NDRG2: variants seen among roughly 807,000 people sequenced by gnomAD.
NDRG2 encodes protein NDRG2.
Under a neutral mutation model 58.2 loss-of-function variants are expected in NDRG2, and 34 were observed. The ratio of observed to expected loss-of-function variants is 0.58; its 90% CI spans 0.44 to 0.78. NDRG2 has a LOEUF of 0.78. NDRG2 is among the 30% of genes least tolerant of loss of function. NDRG2 has a pLI of 0.00. For synonymous variants in NDRG2, 187 were observed against 175.9 expected, an observed-to-expected ratio of 1.06 and a Z score of -0.50; for missense variants, 434 against 471.2, an observed-to-expected ratio of 0.92 and a Z score of 0.73.
chr14:21,066,669 G>A (rs920772605), intron 1 of NDRG2, among the ~76,000 whole-genome samples: 1 of 152,164 alleles, frequency 6.6e-6, no homozygotes, highest in Non-Finnish European at 1.5e-5. Flanking sequence ...CTCTGGCTAT[G>A]GTGCAGAGAA....
chr14:21,024,645 C>T lies in NDRG2; in HGVS notation c.-622G>A. On this transcript the variant is annotated 5_prime_UTR_variant, in exon 1 of 16. Coordinates refer to ENST00000556147, the MANE Select transcript of NDRG2 (RefSeq NM_001320329.2). Reference sequence around the variant, plus strand: ...GTGGAGAAAGGGAGAGGAGAGCGGTCCCACAATCTTCTCCCGTTCTCCCCC... The same window carrying T: ...GTGGAGAAAGGGAGAGGAGAGCGGTTCCACAATCTTCTCCCGTTCTCCCCC... The T allele has an allele frequency of 1.0e-6, 1 of 985,468 alleles. No homozygotes were observed. The highest frequency in any genetic ancestry group is 1.1e-4 in the East Asian group (1 of 8,792). The allele number at this position is 985,468 out of a possible 1,614,324, so 61.0% of individuals were successfully genotyped here.
At chr14:21,069,054 C>T (rs2139180414) in intron 1 of NDRG2, among the ~76,000 whole-genome samples, 1 of 152,372 alleles carries the variant, frequency 6.6e-6, no homozygotes, top group African/African-American at 2.4e-5. Context: ...GTTCACGCCC[C>T]TCCGGGGACT....
At chr14:21,032,190 G>A in intron 1 of NDRG2, 9 of 1,088,200 alleles carry the variant, frequency 8.3e-6, no homozygotes, top group Non-Finnish European at 1.2e-5. Flanking sequence ...TGTCTGTGAG[G>A]GACAGATGAG....
At chr14:21,030,504 AC>A, upstream of NDRG2, 1 of 1,438,376 alleles carries the variant, frequency 7.0e-7, no homozygotes, top group Non-Finnish European at 9.5e-7. Context: ...CATCCTCATT[AC>A]TCCACAGTCC....
rs951272634 is a variant in NDRG2, at chr14:21,020,380, C to G, written c.555+116G>C. On this transcript the variant is annotated intron_variant, in intron 8 of 15. Coordinates refer to ENST00000556147, the MANE Select transcript of NDRG2 (RefSeq NM_001320329.2). ...AAGTGACAGCTTCACTTTCCTGCCC[C>G]TTTACTCCCTCCTTGAAGTTCAGAG... The G allele has an allele frequency of 1.3e-5, 10 of 780,046 alleles. No individual in the cohort carries two copies. In the African/African-American group the frequency reaches 1.7e-4, roughly 14 times the overall value. 48.3% of individuals were successfully genotyped at this position (780,046 alleles called of 1,614,324 possible).
intron 1 of NDRG2, among the ~76,000 whole-genome samples, chr14:21,050,817 G>A (rs1264653111): frequency 6.6e-6 from 1 of 152,166 alleles, no homozygotes; most frequent in East Asian, 1.9e-4. Context: ...GAAGTATTAA[G>A]GGGTAATGAG....
rs1466516055 is a variant in NDRG2, at chr14:21,019,700, T to C, written c.655A>G (p.Asn219Asp). The change falls in exon 10 of 16, where the codon AAT (asparagine) becomes GAT (aspartate). Residue 219 changes from asparagine to aspartate, a missense_variant. Transcript: ENST00000556147. ...GNSELIQKYR[N>D]IITHAPNLDN... Reference sequence around the variant, plus strand: ...AGGTTGGGTGCATGTGTAATGATATTTCTGTACTTTTGTATCAACTCAGAA... The same window carrying C: ...AGGTTGGGTGCATGTGTAATGATATCTCTGTACTTTTGTATCAACTCAGAA... 6.2e-7 allele frequency: 1 copy of C among 1,613,968 alleles called. No individual in the cohort carries two copies. Among genetic ancestry groups the C allele is most frequent in the Non-Finnish European group, 8.5e-7 (1 of 1,179,808 alleles).
intron 1 of NDRG2, among the ~76,000 whole-genome samples, chr14:21,064,498 C>T (rs910983385): frequency 2.0e-5 from 3 of 152,086 alleles, no homozygotes; most frequent in African/African-American, 4.8e-5. Flanking sequence ...GACTGGGTTT[C>T]GCCATGTTGG....
chr14:21,041,210 G>C (rs1884881284), intron 1 of NDRG2, among the ~76,000 whole-genome samples: 1 of 152,118 alleles, frequency 6.6e-6, no homozygotes. Context: ...GCCCAGGCTG[G>C]TCTTGAATTC....
rs555933207 is a variant in NDRG2, at chr14:21,052,792, A to T, written c.24+18036T>A. 9.3e-4 allele frequency among the ~76,000 whole-genome samples: 142 copies of T among 152,328 alleles called. No homozygotes were observed. In the South Asian group the frequency reaches 0.01, roughly 11 times the overall value. On this transcript the variant is annotated intron_variant, in intron 1 of 14. Coordinates refer to the NDRG2 transcript ENST00000403829. The stretch of plus-strand genomic sequence containing the variant: ...AATATTTTAACAAGATCCATCCAAC[A>T]TTATTATACATGCTCAATTAAACTC...
chr14:21,030,488 A>C, upstream of NDRG2: 2 of 1,315,258 alleles, frequency 1.5e-6, no homozygotes, highest in Non-Finnish European at 2.1e-6. Context: ...ATTTTACCAT[A>C]ACACTCATCC....
At chr14:21,057,940 G>C (rs752464100) in intron 1 of NDRG2, 1 of 1,614,012 alleles carries the variant, frequency 6.2e-7, no homozygotes, top group Admixed American at 1.7e-5. Context: ...TGCTGCTTCT[G>C]GGGCTGTGGG....
At chr14:21,064,207 C>T (rs1886128099) in intron 1 of NDRG2, among the ~76,000 whole-genome samples, 1 of 152,206 alleles carries the variant, frequency 6.6e-6, no homozygotes, top group Admixed American at 6.5e-5. Context: ...TCTTTTTATA[C>T]CTTTTCTTCA....
chr14:21,054,020 CT>C (rs1885575918), intron 1 of NDRG2, among the ~76,000 whole-genome samples: 1 of 152,152 alleles, frequency 6.6e-6, no homozygotes, highest in Non-Finnish European at 1.5e-5. Context: ...ACTATTTTAA[CT>C]TTGATTGTAG....
At chr14:21,051,858 G>T (rs768364925) in intron 1 of NDRG2, among the ~76,000 whole-genome samples, 12 of 152,160 alleles carry the variant, frequency 7.9e-5, no homozygotes, top group Non-Finnish European at 1.5e-4. Context: ...GACGACCCTC[G>T]TGGTACTGCT....
At chr14:21,018,417 T>C in intron 13 of NDRG2, 40 bp downstream of exon 13, 2 of 1,612,700 alleles carry the variant, frequency 1.2e-6, no homozygotes, top group Non-Finnish European at 1.7e-6. Flanking sequence ...GTAGAGAGGA[T>C]ATATGACTGT....
intron 1 of NDRG2, chr14:21,032,193 C>G (rs1216899205): frequency 3.7e-6 from 4 of 1,074,940 alleles, no homozygotes; most frequent in East Asian, 2.5e-5. Flanking sequence ...CTGTGAGGGA[C>G]AGATGAGCCT....
intron 1 of NDRG2, among the ~76,000 whole-genome samples, chr14:21,041,823 A>G (rs974211384): frequency 5.3e-5 from 8 of 152,174 alleles, no homozygotes; most frequent in African/African-American, 1.7e-4. Context: ...TGGCTTCGCT[A>G]TTGGGGATGG....
intron 1 of NDRG2, among the ~76,000 whole-genome samples, chr14:21,062,255 T>C (rs1328874344): frequency 6.6e-6 from 1 of 152,278 alleles, no homozygotes; most frequent in Non-Finnish European, 1.5e-5. Context: ...TTTTCATCTG[T>C]ACTGCACAGT....
Sources: allele counts gnomAD v4.1 joint callset (sites outside exome capture counted in the v4.1 genomes callset), GRCh38; gene constraint gnomAD v4.1.1; transcripts MANE v1.5; gene names NCBI Gene and HGNC (gene_info 2026-07-23, HGNC 2026-07-21).